KMT2E: variants seen among roughly 807,000 people sequenced by gnomAD.
KMT2E encodes the protein lysine methyltransferase 2E (inactive).
Under a neutral mutation model 184.6 loss-of-function variants are expected in KMT2E, and 30 were observed. The ratio of observed to expected loss-of-function variants is 0.16; its 90% CI spans 0.12 to 0.22. The LOEUF is 0.22. Among genes scored for constraint, KMT2E ranks in the 10% least tolerant of loss-of-function variants. The pLI is 1.00. For synonymous variants in KMT2E, 815 were observed against 776.5 expected (o/e 1.05, Z -0.82); for missense variants, 2,023 against 2,237.4 (o/e 0.90, Z 1.93).
intron 20 of KMT2E, 125 bp from the exon 21 acceptor site, chr7:105,107,037 GAAAT>G (rs1798930156): frequency 1.5e-6 from 1 of 650,074 alleles, no homozygotes; most frequent in South Asian, 2.5e-5. Flanking sequence ...TTGGGGAATG[GAAAT>G]AAACAGGAAA....
intron 5 of KMT2E, 44 bp from the exon 6 acceptor site, chr7:105,066,683 T>C: frequency 7.1e-7 from 1 of 1,412,312 alleles, no homozygotes; most frequent in Middle Eastern, 1.9e-4. Flanking sequence ...AATTTAAGGA[T>C]GACTTAAATA....
chr7:105,024,892 A>G (rs1414136144), intron 1 of KMT2E, among the ~76,000 whole-genome samples: 2 of 152,136 alleles, frequency 1.3e-5, no homozygotes, highest in East Asian at 3.8e-4. Flanking sequence ...CTGCTTGTGT[A>G]TATTCCAGTT....
In KMT2E at chr7:105,113,031, C is replaced by T. The variant is rs1468488539; in HGVS notation, c.5275C>T (p.Pro1759Ser). The part of the protein sequence containing the change: ...LFPSSAHPTV[P>S]PYPSQATHHT... ...TCCTTCGAGTGCTCATCCAACTGTA[C>T]CACCGTATCCCTCACAAGCTACACA... The change falls in exon 27 of 27, where the codon CCA (proline) becomes TCA (serine). Residue 1759 changes from proline to serine, a missense_variant. Physicochemically the swap from Pro to Ser is moderately conservative, Grantham distance 74. Transcript: ENST00000311117. The T allele has an allele frequency of 6.2e-7, 1 of 1,614,128 alleles. No homozygotes were observed.
At chr7:105,017,297 C>T (rs1309160730) in intron 1 of KMT2E, among the ~76,000 whole-genome samples, 2 of 152,080 alleles carry the variant, frequency 1.3e-5, no homozygotes, top group Non-Finnish European at 2.9e-5. Flanking sequence ...TATTTGGCTT[C>T]AAATGAAAAA....
At position 105,090,030 on chromosome 7, in the gene KMT2E, A is replaced by G. The variant is rs1365483521; in HGVS notation, c.1380A>G (p.Ala460=). ...YGNCKYKVDC[A]CLKENPECPV... Reference sequence around the variant, plus strand: ...CCAGTAAGTACAAGGTGGACTGTGCATGCCTCAAAGAAAACCCAGAGTGCC... The same window carrying G: ...CCAGTAAGTACAAGGTGGACTGTGCGTGCCTCAAAGAAAACCCAGAGTGCC... The change falls in exon 14 of 27, where the codon GCA becomes GCG. Residue 460 remains alanine (A), a synonymous_variant. Transcript: ENST00000311117. The G allele has an allele frequency of 2.5e-6, 4 of 1,613,054 alleles. No individual in the cohort carries two copies. Among genetic ancestry groups the G allele is most frequent in the Non-Finnish European group, 3.4e-6 (4 of 1,179,544 alleles).
chr7:105,076,109 T>A (rs1286081115), intron 9 of KMT2E, 28 bp downstream of exon 9: 1 of 1,505,686 alleles, frequency 6.6e-7, no homozygotes, highest in Non-Finnish European at 9.2e-7. Flanking sequence ...AAGGTGTTGT[T>A]ATCAACTGTC....
intron 15 of KMT2E, among the ~76,000 whole-genome samples, chr7:105,099,078 T>C (rs754966714): frequency 6.6e-6 from 1 of 152,230 alleles, no homozygotes; most frequent in South Asian, 2.1e-4. Context: ...TAATGGTGAC[T>C]AGAAAAGCTG....
chr7:105,078,784 A>G, intron 11 of KMT2E, 62 bp from the exon 12 acceptor site: 1 of 829,316 alleles, frequency 1.2e-6, no homozygotes, highest in East Asian at 3.3e-5. Flanking sequence ...CTGGAATTAC[A>G]GGTGTGAACC....
chr7:105,077,047 G>A lies in KMT2E; in HGVS notation c.853G>A (p.Glu285Lys), dbSNP rs1797559329. The A allele has an allele frequency of 1.2e-6, 2 of 1,613,980 alleles. No homozygotes were observed. Among genetic ancestry groups the A allele is most frequent in the Non-Finnish European group, 1.7e-6 (2 of 1,179,976 alleles). ...TKIKAWMDRY[E>K]EANNNQYSEG... ...GATCAAAGCATGGATGGATCGATATGAAGAAGCAAATAACAACCAGTACAG... is the reference window on the plus strand; with the variant it reads ...GATCAAAGCATGGATGGATCGATATAAAGAAGCAAATAACAACCAGTACAG... The change falls in exon 10 of 27, where the codon GAA (glutamate) becomes AAA (lysine). Residue 285 changes from glutamate to lysine, a missense_variant. Glu to Lys is a moderately conservative substitution (Grantham distance 56). Around this residue, in one of 8 missense-constraint regions of KMT2E, gnomAD observed 191 missense variants for 209.0 expected, o/e 0.91. Transcript: ENST00000311117.
chr7:105,014,214 G>C lies in KMT2E; in HGVS notation c.-510G>C. On this transcript the variant is annotated 5_prime_UTR_variant, in exon 1 of 27. Transcript: ENST00000311117. ...CCGCCGCCATTTTCCCAGAGCGAGA[G>C]GCAGTGACACTGAGCGGGCGCAGGG... The C allele has an allele frequency of 5.0e-6, 1 of 200,260 alleles. No homozygotes were observed. The highest frequency in any genetic ancestry group is 9.6e-6 in the Non-Finnish European group (1 of 103,900). 12.4% of individuals were successfully genotyped at this position (200,260 alleles called of 1,614,324 possible).
chr7:105,055,970 G>A (rs376011418), intron 3 of KMT2E, among the ~76,000 whole-genome samples: 1 of 150,828 alleles, frequency 6.6e-6, no homozygotes, highest in African/African-American at 2.4e-5. Context: ...GGTGCTTACT[G>A]TGTGCTCAAA....
intron 3 of KMT2E, among the ~76,000 whole-genome samples, chr7:105,045,759 A>G (rs181524844): frequency 3.3e-5 from 5 of 152,324 alleles, no homozygotes; most frequent in Admixed American, 3.3e-4. Context: ...GAACATTGGT[A>G]TACAGGTATC....
Position 105,112,577 on chromosome 7 carries a change from G to C in KMT2E, c.4821G>C (p.Gly1607=), listed in dbSNP as rs1351392784. 4 of 1,613,732 alleles carry C rather than the reference G, an allele frequency of 2.5e-6. No homozygotes were observed. In the East Asian group the frequency reaches 8.9e-5, roughly 36 times the overall value. ...QTVPGHHVTP[G]HFLPSQNPTI... ...TTCCAGGACACCACGTGACTCCAGG[G>C]CATTTTTTGCCCTCTCAGAACCCTA... The change falls in exon 27 of 27, where the codon GGG becomes GGC. Residue 1607 remains glycine, a synonymous_variant. Coordinates refer to ENST00000311117, the MANE Select transcript of KMT2E (RefSeq NM_182931.3).
intron 15 of KMT2E, among the ~76,000 whole-genome samples, chr7:105,095,695 G>A (rs1192882954): frequency 6.6e-6 from 1 of 152,158 alleles, no homozygotes; most frequent in African/African-American, 2.4e-5. Flanking sequence ...GCTAAGTTAT[G>A]TGGAACTGCA....
intron 6 of KMT2E, among the ~76,000 whole-genome samples, chr7:105,071,302 A>G (rs902953261): frequency 1.5e-4 from 23 of 151,974 alleles, no homozygotes; most frequent in African/African-American, 5.6e-4. Flanking sequence ...AAATGTATAT[A>G]TAAAATTTTG....
At chr7:105,045,403 A>C (rs1008507123) in intron 3 of KMT2E, among the ~76,000 whole-genome samples, 1 of 152,260 alleles carries the variant, frequency 6.6e-6, no homozygotes, top group Admixed American at 6.5e-5. Flanking sequence ...ACTGTTTTCA[A>C]ACTTTATCAT....
rs539084545 is a variant in KMT2E, at chr7:105,074,758, T to C, written c.672T>C (p.Asn224=). 5.0e-6 allele frequency: 8 copies of C among 1,609,402 alleles called. No individual in the cohort carries two copies. The East Asian group carries it at 1.3e-4, about 27-fold the overall frequency. ...CTGCTTCAAGAGTTTCCAAAGTTAA[T>C]GATAAAAGAAGGAAAAAAAGCGGGG... ...TLTASRVSKV[N]DKRRKKSGEK... The change falls in exon 8 of 27, where the codon AAT becomes AAC. Residue 224 remains asparagine, a synonymous_variant. Transcript: ENST00000311117.
At chr7:105,086,075 G>A (rs1421926400) in intron 13 of KMT2E, among the ~76,000 whole-genome samples, 1 of 152,148 alleles carries the variant, frequency 6.6e-6, no homozygotes, top group African/African-American at 2.4e-5. Context: ...GTGACTTGCT[G>A]TATTCTTTAG....
chr7:105,092,391 G>GACTCCA (rs1045847195), intron 15 of KMT2E, among the ~76,000 whole-genome samples: 7 of 152,154 alleles, frequency 4.6e-5, no homozygotes, highest in African/African-American at 1.7e-4. Context: ...GACAGAGCAA[G>GACTCCA]ACTCCATCTC....
Sources: gnomAD v4.1 joint callset for allele counts (sites outside exome capture counted in the v4.1 genomes callset) on GRCh38, gnomAD v4.1.1 for gene constraint, gnomAD v4.1.1 regional missense constraint, MANE v1.5 for transcripts, NCBI Gene and HGNC (gene_info 2026-07-23, HGNC 2026-07-21) for gene names.